Variants in BFSP1 observed in about 807,000 individuals in gnomAD.
BFSP1 encodes the protein filensin.
Under a neutral mutation model 43.9 loss-of-function variants are expected in BFSP1, and 38 were observed. The observed-to-expected ratio is 0.87, with a 90% CI of 0.67 to 1.14. The LOEUF is 1.14. Ranked by LOEUF, BFSP1 falls within the 50% of genes most tolerant of loss-of-function variation. The pLI is 0.00. For missense variants in BFSP1, 850 were observed against 875.1 expected, an observed-to-expected ratio of 0.97 and a Z score of 0.36; for synonymous variants, 352 against 354.8, an observed-to-expected ratio of 0.99 and a Z score of 0.09.
intron 1 of BFSP1, among the ~76,000 whole-genome samples, chr20:17,528,285 A>C (rs1425565031): frequency 2.0e-5 from 3 of 152,234 alleles, no homozygotes; most frequent in Non-Finnish European, 4.4e-5. Context: ...GCCTGATGGA[A>C]CTGCTTCATG....
chr20:17,560,807 T>C (rs2035060432), upstream of BFSP1: 1 of 152,148 alleles, frequency 6.6e-6, no homozygotes, highest in Non-Finnish European at 1.5e-5. Context: ...TGGGACGAGC[T>C]GGGGAAAAAT....
At chr20:17,497,697 C>T (rs1275457645) in intron 6 of BFSP1, among the ~76,000 whole-genome samples, 3 of 151,054 alleles carry the variant, frequency 2.0e-5, no homozygotes, top group African/African-American at 7.3e-5. Flanking sequence ...CATGTACACA[C>T]ACACATCATA....
intron 6 of BFSP1, 43 bp from the exon 7 acceptor site, chr20:17,497,066 G>A (rs906117104): frequency 1.4e-6 from 2 of 1,410,240 alleles, no homozygotes; most frequent in African/African-American, 1.5e-5. Flanking sequence ...CAGAGGTCAG[G>A]GGCAAGAGCG....
In BFSP1 at chr20:17,508,768, C is replaced by A. The variant is rs1016211; in HGVS notation, c.735+121G>T. 0.43 allele frequency: 418,862 copies of A among 982,646 alleles called. 93,025 individuals are homozygous for A. Among genetic ancestry groups the A allele is most frequent in the African/African-American group, 0.57 (33,255 of 58,840 alleles). The allele number at this position is 982,646 out of a possible 1,614,324, so 60.9% of individuals were successfully genotyped here. On this transcript the variant is annotated intron_variant, in intron 5 of 7. Transcript: ENST00000377873. ...CCCACTCAGAAAACCCCGTTTCTGC[C>A]AGGAACATAGGATATGTTCAGCGTG...
intron 1 of BFSP1, among the ~76,000 whole-genome samples, chr20:17,552,680 G>C (rs553121182): frequency 1.2e-3 from 190 of 152,264 alleles, no homozygotes; most frequent in African/African-American, 4.4e-3. Flanking sequence ...TATATATTTT[G>C]AGGGTAGAAC....
At chr20:17,555,544 T>C (rs1306391819) in intron 1 of BFSP1, among the ~76,000 whole-genome samples, 2 of 151,904 alleles carry the variant, frequency 1.3e-5, no homozygotes, top group Non-Finnish European at 2.9e-5. Flanking sequence ...TCCCAGATAC[T>C]TGGGAGGCTG....
At chr20:17,501,695 G>C (rs73900871) in intron 5 of BFSP1, among the ~76,000 whole-genome samples, 5,598 of 152,226 alleles carry the variant, frequency 0.037, 352 homozygotes, top group African/African-American at 0.13. Context: ...ACTTTGGGGA[G>C]ATGTCTGTCC....
chr20:17,533,864 G>A (rs1455967029), upstream of BFSP1, among the ~76,000 whole-genome samples: 3 of 152,192 alleles, frequency 2.0e-5, no homozygotes, highest in African/African-American at 4.8e-5. Flanking sequence ...CTCACAAAGC[G>A]TAGCCTCAGA....
rs547718601 is a variant in BFSP1, at chr20:17,538,827, T to A, written c.3-13919A>T. ...GTTATAATTTCTGTGGCTATAAATC[T>A]AGCCATGGTATTCATATTTCTGCCC... On this transcript the variant is annotated intron_variant, in intron 1 of 7. Transcript: ENST00000377868. Among the ~76,000 whole-genome samples, 3 of 152,326 alleles carry A rather than the reference T, an allele frequency of 2.0e-5. No homozygotes were observed. In the East Asian group the frequency reaches 5.8e-4, roughly 29 times the overall value.
chr20:17,550,017 A>G (rs1393559302), intron 1 of BFSP1, among the ~76,000 whole-genome samples: 3 of 152,084 alleles, frequency 2.0e-5, no homozygotes, highest in Non-Finnish European at 4.4e-5. Flanking sequence ...CCACTTCTCT[A>G]TTTACCCTCA....
chr20:17,528,483 C>A (rs1251926196), intron 1 of BFSP1, among the ~76,000 whole-genome samples: 1 of 152,230 alleles, frequency 6.6e-6, no homozygotes, highest in East Asian at 1.9e-4. Flanking sequence ...GATGTCTGAG[C>A]CACAGGGCAC....
chr20:17,513,036 C>G (rs1298641235), intron 3 of BFSP1, among the ~76,000 whole-genome samples: 3 of 152,206 alleles, frequency 2.0e-5, no homozygotes, highest in Non-Finnish European at 4.4e-5. Flanking sequence ...CTACCAGGCC[C>G]TGCCTCATCC....
intron 2 of BFSP1, among the ~76,000 whole-genome samples, chr20:17,516,061 G>A (rs747869255): frequency 1.3e-5 from 2 of 152,090 alleles, no homozygotes; most frequent in Non-Finnish European, 2.9e-5. Flanking sequence ...GGGTGTGGTG[G>A]CTCACACCTG....
At chr20:17,520,061 T>C (rs2034283656) in intron 2 of BFSP1, among the ~76,000 whole-genome samples, 1 of 152,232 alleles carries the variant, frequency 6.6e-6, no homozygotes, top group Non-Finnish European at 1.5e-5. Flanking sequence ...TAATTGCCTA[T>C]GTCCTAGATC....
chr20:17,551,166 G>A (rs1271827346), intron 1 of BFSP1, among the ~76,000 whole-genome samples: 9 of 152,206 alleles, frequency 5.9e-5, no homozygotes, highest in Non-Finnish European at 1.0e-4. Flanking sequence ...AATTTATAAA[G>A]AAAAGAAGTT....
chr20:17,500,601 T>C (rs888067169), intron 5 of BFSP1, among the ~76,000 whole-genome samples: 3 of 152,260 alleles, frequency 2.0e-5, no homozygotes, highest in African/African-American at 7.2e-5. Flanking sequence ...TACTGGTTTA[T>C]GTATTTACGA....
chr20:17,500,609 C>A (rs1008232521), intron 5 of BFSP1, among the ~76,000 whole-genome samples: 2 of 152,192 alleles, frequency 1.3e-5, no homozygotes, highest in Non-Finnish European at 2.9e-5. Flanking sequence ...TATGTATTTA[C>A]GATACTACAC....
At chr20:17,557,057 T>C (rs2035004086) in intron 1 of BFSP1, among the ~76,000 whole-genome samples, 1 of 152,172 alleles carries the variant, frequency 6.6e-6, no homozygotes, top group Non-Finnish European at 1.5e-5. Flanking sequence ...CCTCCCTGGC[T>C]GCCAGCATCA....
At chr20:17,561,104 T>TA (rs746002911), upstream of BFSP1, among the ~76,000 whole-genome samples, 1 of 152,166 alleles carries the variant, frequency 6.6e-6, no homozygotes, top group African/African-American at 2.4e-5. Flanking sequence ...CATCTATCCT[T>TA]AAAAAAATGC....
Sources: allele counts gnomAD v4.1 joint callset (sites outside exome capture counted in the v4.1 genomes callset), GRCh38; gene constraint gnomAD v4.1.1; transcripts MANE v1.5; gene names NCBI Gene and HGNC (gene_info 2026-07-23, HGNC 2026-07-21).